The following SLC7A9 variants were observed in gnomAD, a reference collection of about 807,000 sequenced individuals.
SLC7A9 encodes solute carrier family 7 member 9, also known as B(0,+)-type amino acid transporter 1.
A neutral mutation model predicts 54.1 loss-of-function variants in SLC7A9; 38 were observed. That is an observed-to-expected ratio of 0.70 (90% CI 0.54 to 0.92). The LOEUF (loss-of-function observed/expected upper bound fraction) is 0.92, where lower values mean the gene tolerates loss of function less well. Among genes scored for constraint, SLC7A9 ranks in the 40% least tolerant of loss-of-function variants. The pLI, the probability that SLC7A9 is intolerant of heterozygous loss-of-function variation, is 0.00. For missense variants in SLC7A9, 537 were observed against 636.1 expected (o/e 0.84, Z 1.68); for synonymous variants, 264 against 258.9 (o/e 1.02, Z -0.19).
intron 11 of SLC7A9, among the ~76,000 whole-genome samples, chr19:32,838,099 C>T (rs1968016575): frequency 2.0e-5 from 3 of 152,162 alleles, no homozygotes; most frequent in South Asian, 2.1e-4. Flanking sequence ...AGAAGCCAAG[C>T]GGCCCTTCTG....
intron 9 of SLC7A9, among the ~76,000 whole-genome samples, chr19:32,851,805 A>C (rs1968475048): frequency 6.6e-6 from 1 of 152,218 alleles, no homozygotes; most frequent in Non-Finnish European, 1.5e-5. Context: ...GATTAAGAAA[A>C]TGTGGCACAT....
intron 11 of SLC7A9, among the ~76,000 whole-genome samples, chr19:32,835,407 C>T (rs769304004): frequency 6.6e-6 from 1 of 152,188 alleles, no homozygotes; most frequent in Non-Finnish European, 1.5e-5. Context: ...TTAATCTTTA[C>T]AACATAAGTT....
At chr19:32,854,627 C>T (rs1008958915) in intron 9 of SLC7A9, among the ~76,000 whole-genome samples, 7 of 152,096 alleles carry the variant, frequency 4.6e-5, no homozygotes, top group African/African-American at 9.7e-5. Context: ...CTCACTGTGT[C>T]GCCCAGGCTG....
At chr19:32,846,868 C>T (rs998978142) in intron 9 of SLC7A9, among the ~76,000 whole-genome samples, 9 of 152,176 alleles carry the variant, frequency 5.9e-5, no homozygotes, top group Non-Finnish European at 8.8e-5. Flanking sequence ...CACCAAAATC[C>T]GCTGTTCTAC....
intron 11 of SLC7A9, among the ~76,000 whole-genome samples, chr19:32,838,800 CATAT>C (rs891416638): frequency 8.9e-5 from 13 of 145,388 alleles, no homozygotes; most frequent in Admixed American, 3.5e-4. Flanking sequence ...CAAATATATA[CATAT>C]ATATCTATTA....
chr19:32,842,044 TACG>T (rs2145809020), intron 11 of SLC7A9, 121 bp downstream of exon 11: 1 of 948,704 alleles, frequency 1.1e-6, no homozygotes, highest in Non-Finnish European at 1.7e-6. Flanking sequence ...CACTCTAAAA[TACG>T]ATATTTTAAA....
chr19:32,835,070 A>AT (rs748565495), intron 11 of SLC7A9, among the ~76,000 whole-genome samples: 257 of 152,348 alleles, frequency 1.7e-3, no homozygotes, highest in Non-Finnish European at 3.1e-3. Context: ...GATTACAGGC[A>AT]TGAGCCAATC....
chr19:32,847,432 A>G (rs1376446386), intron 9 of SLC7A9, among the ~76,000 whole-genome samples: 1 of 150,328 alleles, frequency 6.7e-6, no homozygotes, highest in Admixed American at 6.6e-5. Context: ...AAGAAACGGT[A>G]TCAGTAATGG....
chr19:32,844,037 CAA>C, intron 9 of SLC7A9, 86 bp from the exon 10 acceptor site: 5 of 1,023,520 alleles, frequency 4.9e-6, no homozygotes, highest in Non-Finnish European at 7.6e-6. Context: ...CGGGGTCCAC[CAA>C]GGAGCCCTCG....
At chr19:32,840,321 C>T (rs1329282628) in intron 11 of SLC7A9, among the ~76,000 whole-genome samples, 2 of 152,008 alleles carry the variant, frequency 1.3e-5, no homozygotes, top group Non-Finnish European at 2.9e-5. Context: ...TATAGGCGTG[C>T]ACCACCACAC....
intron 9 of SLC7A9, among the ~76,000 whole-genome samples, chr19:32,849,558 A>C (rs1334572441): frequency 6.6e-6 from 1 of 151,790 alleles, no homozygotes; most frequent in African/African-American, 2.4e-5. Context: ...CAACCAAAAA[A>C]AGTCCAGGAC....
Position 32,842,393 on chromosome 19 carries a change from A to G in SLC7A9, c.1075-76T>C, listed in dbSNP as rs186486979. 85 of 1,449,670 alleles carry G rather than the reference A, an allele frequency of 5.9e-5. No homozygotes were observed. In the Admixed American group the frequency reaches 6.7e-4, roughly 11 times the overall value. The allele number at this position is 1,449,670 out of a possible 1,614,324, so 89.8% of individuals were successfully genotyped here. On this transcript the variant is annotated intron_variant, in intron 10 of 12. Transcript: ENST00000023064. Reference sequence around the variant, plus strand: ...TCATGTCACAGAAGACCGAAGAAGCAGTTTTTCTTGTGAATAAACACTTTA... The same window carrying G: ...TCATGTCACAGAAGACCGAAGAAGCGGTTTTTCTTGTGAATAAACACTTTA...
chr19:32,846,808 C>T (rs933995632), intron 9 of SLC7A9, among the ~76,000 whole-genome samples: 2 of 152,206 alleles, frequency 1.3e-5, no homozygotes, highest in East Asian at 1.9e-4. Flanking sequence ...CCGGGTACTC[C>T]TCTGAGACAA....
Position 32,862,591 on chromosome 19 carries a change from A to G in SLC7A9, c.479-5T>C, listed in dbSNP as rs771396385. The G allele has an allele frequency of 5.0e-6, 8 of 1,613,680 alleles. No individual in the cohort carries two copies. Among genetic ancestry groups the G allele is most frequent in the Non-Finnish European group, 5.9e-6 (7 of 1,180,006 alleles). The stretch of plus-strand genomic sequence containing the variant: ...AGTTCACTGTCGAGATGAACACTGG[A>G]AGGGTGGGGACAGTTTCTGCATTTA... On this transcript the variant is annotated splice_region_variant and splice_polypyrimidine_tract_variant and intron_variant, in intron 4 of 12. Transcript: ENST00000023064.
intron 9 of SLC7A9, among the ~76,000 whole-genome samples, chr19:32,857,132 A>G (rs111333479): frequency 1.6e-3 from 238 of 152,200 alleles, no homozygotes; most frequent in African/African-American, 5.4e-3. Context: ...CCTGGGTGAC[A>G]GAGCAAGACT....
chr19:32,835,658 C>G (rs1186032073), intron 11 of SLC7A9, among the ~76,000 whole-genome samples: 1 of 152,044 alleles, frequency 6.6e-6, no homozygotes, highest in Non-Finnish European at 1.5e-5. Context: ...TTCACTCATT[C>G]ATTCATTTCT....
intron 12 of SLC7A9, among the ~76,000 whole-genome samples, chr19:32,831,098 A>G (rs990921671): frequency 6.6e-6 from 1 of 151,762 alleles, no homozygotes; most frequent in Non-Finnish European, 1.5e-5. Context: ...GAAGTCTTAA[A>G]GGCTTTTAGA....
At position 32,831,019 on chromosome 19, in the gene SLC7A9, C is replaced by T. The variant is rs932251754; in HGVS notation, c.1400-335G>A. On this transcript the variant is annotated intron_variant, in intron 12 of 12. Transcript: ENST00000023064. ...ATCTTAACTGGCTGTTACAGGCTGC[C>T]GCAGCCAGAGTTAAATTGCACACAG... Among the ~76,000 whole-genome samples, 5 of 152,046 alleles carry T rather than the reference C, an allele frequency of 3.3e-5. No individual in the cohort carries two copies. In the South Asian group the frequency reaches 8.3e-4, roughly 25 times the overall value.
At chr19:32,842,413 A>C in intron 10 of SLC7A9, 96 bp from the exon 11 acceptor site, 1 of 1,256,768 alleles carries the variant, frequency 8.0e-7, no homozygotes, top group Non-Finnish European at 1.1e-6. Flanking sequence ...GTGAATAAAC[A>C]CTTTAGCATG....
Sources: allele counts gnomAD v4.1 joint callset (sites outside exome capture counted in the v4.1 genomes callset), GRCh38; gene constraint gnomAD v4.1.1; transcripts MANE v1.5; gene names NCBI Gene and HGNC (gene_info 2026-07-23, HGNC 2026-07-21).